HMCN1: variants seen among roughly 807,000 people sequenced by gnomAD.
The protein encoded by HMCN1 is hemicentin 1.
A neutral mutation model predicts 625.9 loss-of-function variants in HMCN1; 321 were observed. The observed-to-expected ratio is 0.51, with a 90% CI of 0.47 to 0.56. The LOEUF (loss-of-function observed/expected upper bound fraction) is 0.56. HMCN1 is among the 20% of genes least tolerant of loss of function. The pLI is 0.00. For synonymous variants in HMCN1, 2,425 were observed against 2,417.6 expected (o/e 1.00, Z -0.09); for missense variants, 6,588 against 6,887.3 (o/e 0.96, Z 1.54).
At chr1:185,748,852 G>A (rs1654606896) in intron 1 of HMCN1, among the ~76,000 whole-genome samples, 1 of 152,324 alleles carries the variant, frequency 6.6e-6, no homozygotes, top group African/African-American at 2.4e-5. Context: ...GGACCCAAGA[G>A]TGTCCTATAA....
intron 1 of HMCN1, among the ~76,000 whole-genome samples, chr1:185,796,858 C>T (rs773080203): frequency 5.3e-5 from 8 of 152,102 alleles, no homozygotes; most frequent in African/African-American, 9.7e-5. Flanking sequence ...TGGGAAGGTA[C>T]GCAGAAGTGG....
chr1:185,887,867 C>T (rs1482012829), intron 4 of HMCN1, among the ~76,000 whole-genome samples: 2 of 141,012 alleles, frequency 1.4e-5, no homozygotes, highest in Non-Finnish European at 3.2e-5. Context: ...GTTCTAGATC[C>T]CTGACGAATC....
intron 4 of HMCN1, among the ~76,000 whole-genome samples, chr1:185,889,365 A>G (rs1664893881): frequency 6.8e-6 from 1 of 147,042 alleles, no homozygotes; most frequent in Non-Finnish European, 1.5e-5. Context: ...GAGTGGTGAG[A>G]GAGGGCATCC....
At chr1:186,045,069 A>G (rs929531392) in intron 40 of HMCN1, among the ~76,000 whole-genome samples, 2 of 152,160 alleles carry the variant, frequency 1.3e-5, no homozygotes, top group Non-Finnish European at 2.9e-5. Flanking sequence ...TGGTCATTGA[A>G]TTGATTTGTT....
intron 81 of HMCN1, among the ~76,000 whole-genome samples, chr1:186,123,808 A>T (rs1307480620): frequency 6.6e-6 from 1 of 152,214 alleles, no homozygotes; most frequent in Non-Finnish European, 1.5e-5. Flanking sequence ...AAACAATACC[A>T]GATTAAACTG....
Position 186,178,774 on chromosome 1 carries a change from T to A in HMCN1, c.16294+8T>A. The A allele has an allele frequency of 6.4e-7, 1 of 1,557,370 alleles. No individual in the cohort carries two copies. The highest frequency in any genetic ancestry group is 8.9e-7 in the Non-Finnish European group (1 of 1,128,342). On this transcript the variant is annotated splice_region_variant and intron_variant, in intron 104 of 106. Coordinates refer to ENST00000271588, the MANE Select transcript of HMCN1 (RefSeq NM_031935.3). Reference sequence around the variant, plus strand: ...GCCATGACACATGTGTAGGTAAATGTCAGCCATATTACATTTCCTTTCTGT... The same window carrying A: ...GCCATGACACATGTGTAGGTAAATGACAGCCATATTACATTTCCTTTCTGT...
Position 185,984,268 on chromosome 1 carries a change from A to G in HMCN1, c.2890A>G (p.Asn964Asp). 6.2e-7 allele frequency: 1 copy of G among 1,614,064 alleles called. No individual in the cohort carries two copies. Among genetic ancestry groups the G allele is most frequent in the Non-Finnish European group, 8.5e-7 (1 of 1,179,968 alleles). Reference protein sequence around the residue: ...DGGEYTCVASNVAGTNNKTTS... With the variant: ...DGGEYTCVASDVAGTNNKTTS... The stretch of plus-strand genomic sequence containing the variant: ...TGGTGAATATACTTGTGTGGCCAGT[A>G]ACGTTGCTGGGACCAATAACAAAAC... The change falls in exon 19 of 107, where the codon AAC (asparagine) becomes GAC (aspartate). Residue 964 changes from asparagine to aspartate, a missense_variant. Physicochemically the swap from Asn to Asp is conservative, Grantham distance 23 (BLOSUM62 1). This residue lies in a region of HMCN1 where 4,628 missense variants were observed against 4,853.1 expected (regional missense o/e 0.95). Coordinates refer to ENST00000271588, the MANE Select transcript of HMCN1 (RefSeq NM_031935.3).
At position 186,172,089 on chromosome 1, in the gene HMCN1, TG is replaced by T; in HGVS notation, c.15773del (p.Cys5258PhefsTer5). The T allele has an allele frequency of 6.2e-7, 1 of 1,613,898 alleles. No homozygotes were observed. Among genetic ancestry groups the T allele is most frequent in the South Asian group, 1.1e-5 (1 of 91,078 alleles). ...TGGTGGCTATAAGTGCATTGATCTTTGTCCAAATGGAATGACCAAGGCAGAA... is the reference window on the plus strand; with the variant it reads ...TGGTGGCTATAAGTGCATTGATCTTTTCCAAATGGAATGACCAAGGCAGAA... ...TRGGYKCIDL[C>X]PNGMTKAENG... On this transcript the variant is annotated frameshift_variant, in exon 102 of 107. Transcript: ENST00000271588. LOFTEE classifies it high-confidence loss of function.
chr1:186,170,838 G>C (rs1416098836), intron 100 of HMCN1, among the ~76,000 whole-genome samples: 1 of 152,162 alleles, frequency 6.6e-6, no homozygotes, highest in African/African-American at 2.4e-5. Context: ...ATGGTGTTTG[G>C]GAAGTACAAT....
rs778809516 is a variant in HMCN1 at position 186,151,614 on chromosome 1, A to G, written c.14767A>G (p.Met4923Val). 5.8e-5 allele frequency: 94 copies of G among 1,612,386 alleles called. 1 individual carries two copies. The highest frequency in any genetic ancestry group is 7.4e-5 in the Non-Finnish European group (87 of 1,178,936). ...TNVPRSLGSA[M>V]RKIVSILNPI... The stretch of plus-strand genomic sequence containing the variant: ...TCCTTTTTTTTCTTTAGGTTCAGCA[A>G]TGAGAAAGATAGTTTCTATTCTAAA... Residue 4923 changes from methionine to valine, a missense_variant, in exon 95 of 107, where the codon ATG becomes GTG. Around this residue, in one of 3 missense-constraint regions of HMCN1, gnomAD observed 1,954 missense variants for 2,013.1 expected, o/e 0.97. Coordinates refer to ENST00000271588, the MANE Select transcript of HMCN1 (RefSeq NM_031935.3).
intron 15 of HMCN1, 37 bp from the exon 16 acceptor site, chr1:185,977,750 T>C (rs1419470327): frequency 2.3e-6 from 3 of 1,290,408 alleles, no homozygotes; most frequent in East Asian, 2.3e-5. Context: ...CTGTATAATA[T>C]ACCGATGACT....
intron 2 of HMCN1, among the ~76,000 whole-genome samples, chr1:185,848,687 T>G (rs1041912212): frequency 5.9e-5 from 9 of 152,176 alleles, no homozygotes; most frequent in Non-Finnish European, 8.8e-5. Flanking sequence ...ATCCTTGGCT[T>G]TTGTCTCCTC....
chr1:186,177,257 G>A (rs1202947182), intron 103 of HMCN1: 3 of 147,482 alleles, frequency 2.0e-5, no homozygotes, highest in Non-Finnish European at 2.9e-5. Flanking sequence ...AGTGGGCCGA[G>A]ATCATGCCAC....
intron 36 of HMCN1, among the ~76,000 whole-genome samples, chr1:186,026,247 G>A (rs765915625): frequency 2.6e-5 from 4 of 152,150 alleles, no homozygotes; most frequent in Non-Finnish European, 5.9e-5. Context: ...AGACCTCAGT[G>A]GTTAAAATGA....
rs751170118 is a variant in HMCN1, at chr1:185,933,810, T to G, written c.1814T>G (p.Phe605Cys). ...GGTGGATCATCAGCCGCTTCAGTTT[T>G]CCTCACAGTGCAAGGTACAGTGCTT... ...SEGGSSAASV[F>C]LTVQEPPKVT... Residue 605 changes from phenylalanine (F) to cysteine (C), a missense_variant, in exon 11 of 107, where the codon TTC (phenylalanine) becomes TGC (cysteine). Phe to Cys is a radical substitution (Grantham distance 205). Coordinates refer to ENST00000271588, the MANE Select transcript of HMCN1 (RefSeq NM_031935.3). 6.2e-7 allele frequency: 1 copy of G among 1,613,846 alleles called. No homozygotes were observed. The highest frequency in any genetic ancestry group is 2.2e-5 in the East Asian group (1 of 44,884).
At chr1:185,988,210 A>T (rs1034118673) in intron 20 of HMCN1, among the ~76,000 whole-genome samples, 15 of 152,228 alleles carry the variant, frequency 9.9e-5, no homozygotes, top group African/African-American at 3.4e-4. Flanking sequence ...ATTGTAAGAC[A>T]CTTACACAAA....
At position 186,001,688 on chromosome 1, in the gene HMCN1, A is replaced by C. The variant is rs1397688141; in HGVS notation, c.4295A>C (p.Lys1432Thr). Reference sequence around the variant, plus strand: ...GAGGATGCAGGAAGATATTCCTGCAAAGCAATTAATATTGCAGGCACTTCT... The same window carrying C: ...GAGGATGCAGGAAGATATTCCTGCACAGCAATTAATATTGCAGGCACTTCT... ...TPEDAGRYSCKAINIAGTSQK... is the reference protein window; with the variant it reads ...TPEDAGRYSCTAINIAGTSQK... The change falls in exon 28 of 107, where the codon AAA (lysine) becomes ACA (threonine). Residue 1432 changes from lysine to threonine, a missense_variant. By Grantham distance (78) the Lys-to-Thr change is moderately conservative. This residue lies in a region of HMCN1 where 4,628 missense variants were observed against 4,853.1 expected (regional missense o/e 0.95). Coordinates refer to ENST00000271588, the MANE Select transcript of HMCN1 (RefSeq NM_031935.3). The C allele has an allele frequency of 6.2e-7, 1 of 1,612,274 alleles. No homozygotes were observed. Among genetic ancestry groups the C allele is most frequent in the Admixed American group, 1.7e-5 (1 of 59,928 alleles).
intron 47 of HMCN1, 50 bp downstream of exon 47, chr1:186,062,014 C>T: frequency 8.7e-7 from 1 of 1,151,300 alleles, no homozygotes; most frequent in East Asian, 2.4e-5. Context: ...TGCCTTAAAT[C>T]CTGGAAGCAG....
At chr1:185,755,707 C>A (rs963071490) in intron 1 of HMCN1, among the ~76,000 whole-genome samples, 7 of 152,072 alleles carry the variant, frequency 4.6e-5, no homozygotes, top group Non-Finnish European at 1.0e-4. Flanking sequence ...TGTGACAGAC[C>A]AGGGCAGCCA....
Sources: allele counts gnomAD v4.1 joint callset (sites outside exome capture counted in the v4.1 genomes callset), GRCh38; gene constraint gnomAD v4.1.1; regional missense constraint gnomAD v4.1.1; transcripts MANE v1.5; gene names NCBI Gene and HGNC (gene_info 2026-07-23, HGNC 2026-07-21).